LRGUK: variants seen among roughly 807,000 people sequenced by gnomAD.
LRGUK encodes the protein leucine rich repeats and guanylate kinase domain containing, also known as leucine-rich repeat and guanylate kinase domain-containing protein.
Under a neutral mutation model 76.0 loss-of-function variants are expected in LRGUK, and 65 were observed. The ratio of observed to expected loss-of-function variants is 0.85; its 90% CI spans 0.70 to 1.05. The LOEUF is 1.05. LRGUK is among the 50% of genes least tolerant of loss of function. The pLI is 0.00. For synonymous variants in LRGUK, 268 were observed against 265.6 expected (o/e 1.01, Z -0.09); for missense variants, 758 against 732.8 (o/e 1.03, Z -0.40).
intron 3 of LRGUK, among the ~76,000 whole-genome samples, chr7:134,140,616 G>T (rs1441983522): frequency 1.3e-5 from 2 of 151,976 alleles, no homozygotes; most frequent in Non-Finnish European, 2.9e-5. Context: ...CTTTCTGCTT[G>T]CTTCTTTTGC....
At chr7:134,266,894 A>G (rs530868565), downstream of LRGUK, among the ~76,000 whole-genome samples, 2 of 152,308 alleles carry the variant, frequency 1.3e-5, no homozygotes, top group South Asian at 2.1e-4. Context: ...TCTTAAAGCA[A>G]TGAGAGGGAA....
intron 5 of LRGUK, among the ~76,000 whole-genome samples, 168 bp from the exon 6 acceptor site, chr7:134,157,867 C>A (rs1463319787): frequency 6.6e-6 from 1 of 152,102 alleles, no homozygotes; most frequent in Non-Finnish European, 1.5e-5. Flanking sequence ...ATGACATGTT[C>A]TGTATGAAAA....
intron 6 of LRGUK, among the ~76,000 whole-genome samples, chr7:134,162,158 C>G (rs1798776052): frequency 6.6e-6 from 1 of 152,142 alleles, no homozygotes. Context: ...GTTGTAGTGA[C>G]TTGGAGAAAT....
At chr7:134,179,917 A>G (rs1016313218) in intron 10 of LRGUK, among the ~76,000 whole-genome samples, 2 of 152,204 alleles carry the variant, frequency 1.3e-5, no homozygotes, top group African/African-American at 4.8e-5. Flanking sequence ...GTCAGGATCC[A>G]GGAGAGGAAC....
At chr7:134,178,605 G>C in exon 10 of LRGUK, 1 of 1,610,958 alleles carries the variant, frequency 6.2e-7, no homozygotes, top group African/African-American at 1.3e-5. Context: ...GAGGATCTTT[G>C]ACAGGTACTT....
intron 16 of LRGUK, among the ~76,000 whole-genome samples, chr7:134,222,754 A>G (rs1168067526): frequency 1.3e-5 from 2 of 152,016 alleles, no homozygotes; most frequent in African/African-American, 4.8e-5. Flanking sequence ...GATTACAGGC[A>G]TGCGCCACCA....
At chr7:134,179,484 A>G (rs185784094) in intron 10 of LRGUK, among the ~76,000 whole-genome samples, 1 of 152,288 alleles carries the variant, frequency 6.6e-6, no homozygotes, top group Admixed American at 6.5e-5. Flanking sequence ...TGATTTTTAC[A>G]TATAATTTAA....
intron 19 of LRGUK, among the ~76,000 whole-genome samples, chr7:134,260,264 G>A (rs1439199335): frequency 4.6e-5 from 7 of 152,026 alleles, no homozygotes; most frequent in Non-Finnish European, 8.8e-5. Flanking sequence ...TGAGTTTATG[G>A]TACAAGTAAG....
At chr7:134,163,267 A>G in intron 6 of LRGUK, 130 bp from the exon 7 acceptor site, 1 of 707,562 alleles carries the variant, frequency 1.4e-6, no homozygotes, top group Non-Finnish European at 2.3e-6. Context: ...AATGGGATGG[A>G]GGGAAGGACA....
At chr7:134,201,785 C>T (rs1034863595) in intron 15 of LRGUK, among the ~76,000 whole-genome samples, 9 of 152,096 alleles carry the variant, frequency 5.9e-5, no homozygotes, top group Non-Finnish European at 1.0e-4. Context: ...TCATGATGGA[C>T]CTCCAGGTAC....
intron 12 of LRGUK, among the ~76,000 whole-genome samples, chr7:134,193,127 CCTATGATCCCTA>C (rs912870544): frequency 4.3e-4 from 66 of 152,256 alleles, no homozygotes; most frequent in African/African-American, 1.4e-3. Flanking sequence ...GTGAGAAAAT[CCTATGATCCCTA>C]GGCAATTTTT....
At chr7:134,191,610 A>G (rs766975394) in intron 11 of LRGUK, 45 bp from the exon 12 acceptor site, 2 of 1,277,796 alleles carry the variant, frequency 1.6e-6, no homozygotes, top group South Asian at 2.6e-5. Context: ...TCCATTTTGA[A>G]TTTCAAGTTA....
At chr7:134,250,148 A>G (rs1176041211) in intron 18 of LRGUK, among the ~76,000 whole-genome samples, 4 of 152,194 alleles carry the variant, frequency 2.6e-5, no homozygotes, top group African/African-American at 7.2e-5. Flanking sequence ...ACCGGAAGAA[A>G]GCTCACCAAA....
At chr7:134,163,278 A>T in intron 6 of LRGUK, 119 bp from the exon 7 acceptor site, 1 of 831,110 alleles carries the variant, frequency 1.2e-6, no homozygotes, top group Non-Finnish European at 1.8e-6. Context: ...GGGAAGGACA[A>T]GAATGCCTTC....
At chr7:134,155,729 A>AT (rs1025638399) in intron 5 of LRGUK, among the ~76,000 whole-genome samples, 4 of 152,148 alleles carry the variant, frequency 2.6e-5, no homozygotes, top group African/African-American at 4.8e-5. Flanking sequence ...CCATTTTCTA[A>AT]TTTTTTTCCC....
At chr7:134,212,426 C>T (rs1801309167), downstream of LRGUK, among the ~76,000 whole-genome samples, 1 of 152,202 alleles carries the variant, frequency 6.6e-6, no homozygotes, top group Non-Finnish European at 1.5e-5. Flanking sequence ...TAACTGATGA[C>T]TAAATGCCTG....
At chr7:134,253,194 T>C (rs535632928) in intron 18 of LRGUK, among the ~76,000 whole-genome samples, 4 of 152,272 alleles carry the variant, frequency 2.6e-5, no homozygotes, top group African/African-American at 9.6e-5. Context: ...AGCGGAAAAT[T>C]ACCTATGAAT....
At chr7:134,200,049 G>A (rs1179723210) in intron 14 of LRGUK, among the ~76,000 whole-genome samples, 1 of 109,634 alleles carries the variant, frequency 9.1e-6, no homozygotes, top group Non-Finnish European at 1.8e-5. Context: ...TTTTTTTTGA[G>A]ATAGAGAGTC....
chr7:134,208,685 A>G, intron 15 of LRGUK: 1 of 398,752 alleles, frequency 2.5e-6, no homozygotes, highest in Non-Finnish European at 4.4e-6. Context: ...TTTATAGTTA[A>G]TTTCTTTTTA....
Sources: gnomAD v4.1 joint callset for allele counts (sites outside exome capture counted in the v4.1 genomes callset) on GRCh38, gnomAD v4.1.1 for gene constraint, MANE v1.5 for transcripts, NCBI Gene and HGNC (gene_info 2026-07-23, HGNC 2026-07-21) for gene names.